Variants in SLC39A11 observed in about 807,000 individuals in gnomAD.
SLC39A11 encodes the protein solute carrier family 39 member 11, also known as zinc transporter ZIP11.
A neutral mutation model predicts 36.1 loss-of-function variants in SLC39A11; 33 were observed. That is an observed-to-expected ratio of 0.91 (90% CI 0.69 to 1.22). SLC39A11 has a LOEUF of 1.22. SLC39A11 is among the 50% of genes most tolerant of loss of function. The pLI, the probability that SLC39A11 is intolerant of heterozygous loss-of-function variation, is 0.00. For synonymous variants in SLC39A11, 166 were observed against 170.3 expected (o/e 0.97, Z 0.20); for missense variants, 432 against 430.3 (o/e 1.00, Z -0.03).
At position 72,647,532 on chromosome 17, in the gene SLC39A11, AC is replaced by A; in HGVS notation, c.*51del. 6.6e-7 allele frequency: 1 copy of A among 1,511,932 alleles called. No individual in the cohort carries two copies. The highest frequency in any genetic ancestry group is 1.2e-5 in the South Asian group (1 of 84,984). 93.7% of individuals were successfully genotyped at this position (1,511,932 alleles called of 1,614,324 possible). A position where few individuals can be genotyped will look rare whatever the true frequency, so the allele number is the denominator to read the frequency against. On this transcript the variant is annotated 3_prime_UTR_variant, in exon 10 of 10. Transcript: ENST00000255559. ...GAAGCTTGTTGTCCCATAGAAGCCA[AC>A]CACTGCTGTTTCTTCGTATGGCCTT...
At chr17:72,807,084 T>C (rs1393629165) in intron 6 of SLC39A11, among the ~76,000 whole-genome samples, 1 of 152,230 alleles carries the variant, frequency 6.6e-6, no homozygotes, top group East Asian at 1.9e-4. Context: ...AGCTATCTTG[T>C]TTTTGATTTC....
chr17:72,925,838 C>T (rs1598439174), intron 5 of SLC39A11, among the ~76,000 whole-genome samples: 1 of 152,334 alleles, frequency 6.6e-6, no homozygotes, highest in East Asian at 1.9e-4. Context: ...AGCCTGGAAT[C>T]CAGAAGGAGA....
intron 4 of SLC39A11, among the ~76,000 whole-genome samples, chr17:72,957,122 C>A (rs922171915): frequency 6.6e-6 from 1 of 152,280 alleles, no homozygotes; most frequent in East Asian, 1.9e-4. Flanking sequence ...CGTACGCTAA[C>A]CTCAGCATCC....
chr17:72,701,601 G>A (rs562243090), intron 7 of SLC39A11, among the ~76,000 whole-genome samples: 1 of 151,894 alleles, frequency 6.6e-6, no homozygotes, highest in East Asian at 1.9e-4. Flanking sequence ...GGTGGTGCAT[G>A]CCTGTAGTCC....
intron 7 of SLC39A11, among the ~76,000 whole-genome samples, chr17:72,703,625 G>A (rs576158076): frequency 6.6e-6 from 1 of 152,204 alleles, no homozygotes; most frequent in East Asian, 1.9e-4. Context: ...CCAAACTGAA[G>A]TCCAGACAGA....
At chr17:72,687,792 G>C (rs2071829157) in intron 7 of SLC39A11, among the ~76,000 whole-genome samples, 1 of 152,176 alleles carries the variant, frequency 6.6e-6, no homozygotes, top group African/African-American at 2.4e-5. Context: ...AGACCCGGCT[G>C]GATGCTCTAT....
At chr17:72,862,989 G>C (rs1006870617) in intron 5 of SLC39A11, among the ~76,000 whole-genome samples, 1 of 152,142 alleles carries the variant, frequency 6.6e-6, no homozygotes, top group African/African-American at 2.4e-5. Context: ...AAAGCACTTG[G>C]GGAGCTTGAG....
intron 7 of SLC39A11, among the ~76,000 whole-genome samples, chr17:72,689,359 C>T (rs1007260670): frequency 6.6e-5 from 10 of 152,172 alleles, no homozygotes; most frequent in Non-Finnish European, 1.0e-4. Flanking sequence ...CTATAGAGGT[C>T]ATGGAAGGCC....
At chr17:73,042,236 T>G (rs1004919991) in intron 3 of SLC39A11, among the ~76,000 whole-genome samples, 4 of 152,118 alleles carry the variant, frequency 2.6e-5, no homozygotes, top group African/African-American at 9.7e-5. Context: ...CAAAACAAAA[T>G]TTTTCTCGTA....
chr17:73,069,390 C>CA (rs2060092851), intron 3 of SLC39A11, among the ~76,000 whole-genome samples: 2 of 152,220 alleles, frequency 1.3e-5, no homozygotes, highest in South Asian at 2.1e-4. Flanking sequence ...TCCCACAATG[C>CA]CTTACACATA....
At chr17:72,690,848 G>A (rs571704371) in intron 7 of SLC39A11, among the ~76,000 whole-genome samples, 10 of 152,250 alleles carry the variant, frequency 6.6e-5, no homozygotes, top group Admixed American at 1.3e-4. Context: ...TGGTGTGCCC[G>A]AGACCAACAA....
chr17:72,694,778 G>C (rs1339326441), intron 7 of SLC39A11, among the ~76,000 whole-genome samples: 1 of 152,222 alleles, frequency 6.6e-6, no homozygotes, highest in Non-Finnish European at 1.5e-5. Context: ...AAGACCTGGG[G>C]CTGGGGTCTG....
At chr17:72,682,843 GT>G (rs1164362089) in intron 7 of SLC39A11, among the ~76,000 whole-genome samples, 1 of 152,186 alleles carries the variant, frequency 6.6e-6, no homozygotes, top group Non-Finnish European at 1.5e-5. Context: ...TGACTTATGA[GT>G]CAATCTTTAG....
At chr17:72,720,888 G>A (rs551592578) in intron 7 of SLC39A11, among the ~76,000 whole-genome samples, 76 of 152,010 alleles carry the variant, frequency 5.0e-4, no homozygotes, top group Non-Finnish European at 9.7e-4. Flanking sequence ...TTCATCCCCC[G>A]AACACATACA....
At chr17:72,968,043 C>T (rs1319302276) in intron 4 of SLC39A11, among the ~76,000 whole-genome samples, 2 of 152,184 alleles carry the variant, frequency 1.3e-5, no homozygotes, top group African/African-American at 4.8e-5. Context: ...CCCATCCAAC[C>T]TGTAACATCA....
intron 6 of SLC39A11, among the ~76,000 whole-genome samples, chr17:72,779,031 G>A (rs1296761415): frequency 6.6e-6 from 1 of 152,140 alleles, no homozygotes; most frequent in African/African-American, 2.4e-5. Flanking sequence ...TGATCCTGCC[G>A]AACTGAAGAA....
At position 72,650,749 on chromosome 17, in the gene SLC39A11, C is replaced by T. The variant is rs377093615; in HGVS notation, c.672-1481G>A. 1.2e-4 allele frequency among the ~76,000 whole-genome samples: 18 copies of T among 152,288 alleles called. 1 individual carries two copies. Among genetic ancestry groups the T allele is most frequent in the African/African-American group, 4.3e-4 (18 of 41,558 alleles). On this transcript the variant is annotated intron_variant, in intron 7 of 9. Coordinates refer to ENST00000255559, the MANE Select transcript of SLC39A11 (RefSeq NM_139177.4). ...ACCGACTTTCAGGTCAACTGGCTCACGTCCATCCATCTTGCTGCCAATAGG... is the reference window on the plus strand; with the variant it reads ...ACCGACTTTCAGGTCAACTGGCTCATGTCCATCCATCTTGCTGCCAATAGG...
chr17:73,049,868 A>C (rs1443503363), intron 3 of SLC39A11, among the ~76,000 whole-genome samples: 1 of 152,208 alleles, frequency 6.6e-6, no homozygotes, highest in Non-Finnish European at 1.5e-5. Flanking sequence ...CACGCCTATA[A>C]TCCCAGCACT....
chr17:73,064,269 T>C lies in SLC39A11; in HGVS notation c.147+20539A>G, dbSNP rs988014956. Among the ~76,000 whole-genome samples the C allele has an allele frequency of 2.0e-5, 3 of 152,122 alleles. 1 individual carries two copies. The East Asian group carries it at 5.8e-4, about 29-fold the overall frequency. ...CTCATGGCCCTGAGCCAAAGTCAGA[T>C]GTGGGATTAGAAGCCAGGGCACAGT... On this transcript the variant is annotated intron_variant, in intron 3 of 9. Coordinates refer to ENST00000255559, the MANE Select transcript of SLC39A11 (RefSeq NM_139177.4).
Sources: allele counts gnomAD v4.1 joint callset (sites outside exome capture counted in the v4.1 genomes callset), GRCh38; gene constraint gnomAD v4.1.1; transcripts MANE v1.5; gene names NCBI Gene and HGNC (gene_info 2026-07-23, HGNC 2026-07-21).